Variants in FRMD4A observed in about 807,000 individuals in gnomAD.
The protein encoded by FRMD4A is FERM domain containing 4A.
A neutral mutation model predicts 129.1 loss-of-function variants in FRMD4A; 29 were observed. That is an observed-to-expected ratio of 0.22 (90% CI 0.17 to 0.31). The LOEUF (loss-of-function observed/expected upper bound fraction) is 0.31. Ranked by LOEUF, FRMD4A falls within the 10% of genes least tolerant of loss-of-function variation. The probability of loss-of-function intolerance (pLI) is 1.00; values close to 1 mark genes in which losing one functional copy is unlikely to be tolerated. For missense variants in FRMD4A, 1,272 were observed against 1,375.8 expected (o/e 0.92, Z 1.19); for synonymous variants, 634 against 571.6 (o/e 1.11, Z -1.56).
intron 12 of FRMD4A, among the ~76,000 whole-genome samples, chr10:13,712,611 G>C (rs1589496844): frequency 6.6e-6 from 1 of 152,202 alleles, no homozygotes; most frequent in African/African-American, 2.4e-5. Flanking sequence ...TGGCTTCCTT[G>C]AGACTATGTC....
chr10:13,707,656 A>T, intron 12 of FRMD4A: 1 of 986,810 alleles, frequency 1.0e-6, no homozygotes, highest in Non-Finnish European at 1.2e-6. Flanking sequence ...CTAATGTGTA[A>T]GAGCCTTGCA....
intron 2 of FRMD4A, among the ~76,000 whole-genome samples, chr10:14,185,500 C>CT (rs1564371171): frequency 3.3e-5 from 5 of 152,112 alleles, no homozygotes; most frequent in Admixed American, 6.5e-5. Context: ...TTTCTAACTT[C>CT]AAGTATTTTT....
intron 16 of FRMD4A, 135 bp downstream of exon 16, chr10:13,674,776 T>A: frequency 1.0e-6 from 1 of 982,136 alleles, no homozygotes; most frequent in Non-Finnish European, 1.5e-6. Context: ...CCTCTTTTTA[T>A]CACTACCCTT....
chr10:13,909,467 T>C (rs781594594), intron 2 of FRMD4A, among the ~76,000 whole-genome samples: 5 of 152,238 alleles, frequency 3.3e-5, no homozygotes, highest in Non-Finnish European at 5.9e-5. Context: ...GCAATTGCAA[T>C]AATTTTGATT....
Position 14,191,801 on chromosome 10 carries a change from T to TCTC in FRMD4A, c.45+138256_45+138257insGAG, listed in dbSNP as rs200600338. On this transcript the variant is annotated intron_variant, in intron 2 of 24. Coordinates refer to ENST00000357447, the MANE Select transcript of FRMD4A (RefSeq NM_018027.5). ...TTTTCAGCTCAACTGGCTGTTTTTT[T>TCTC]TTTTTCTCTCTCTCTCTCTCTCTCC... 3.5e-5 allele frequency among the ~76,000 whole-genome samples: 4 copies of TCTC among 113,292 alleles called. 1 individual carries two copies. Among genetic ancestry groups the TCTC allele is most frequent in the South Asian group, 7.6e-4 (2 of 2,628 alleles). The allele number at this position is 113,292 out of a possible 152,430, so 74.3% of individuals were successfully genotyped here.
intron 2 of FRMD4A, chr10:14,327,126 C>T: frequency 7.6e-6 from 3 of 396,756 alleles, no homozygotes; most frequent in Non-Finnish European, 8.9e-6. Flanking sequence ...TTGAAAAGGC[C>T]TCTGAGACAC....
chr10:13,831,631 C>A (rs1252997721), intron 3 of FRMD4A, among the ~76,000 whole-genome samples: 1 of 152,140 alleles, frequency 6.6e-6, no homozygotes, highest in Non-Finnish European at 1.5e-5. Flanking sequence ...TTTCTGGACA[C>A]CATGGAGTTA....
At chr10:13,823,644 T>C (rs762960297) in intron 3 of FRMD4A, among the ~76,000 whole-genome samples, 1 of 152,212 alleles carries the variant, frequency 6.6e-6, no homozygotes, top group Non-Finnish European at 1.5e-5. Flanking sequence ...TGACCCCATC[T>C]TGTCCTGCAG....
At position 13,841,093 on chromosome 10, in the gene FRMD4A, G is replaced by C. The variant is rs140485253; in HGVS notation, c.111+17754C>G. 2.1e-4 allele frequency among the ~76,000 whole-genome samples: 32 copies of C among 152,268 alleles called. No homozygotes were observed. In the East Asian group the frequency reaches 5.8e-3, roughly 28 times the overall value. On this transcript the variant is annotated intron_variant, in intron 3 of 24. Coordinates refer to ENST00000357447, the MANE Select transcript of FRMD4A (RefSeq NM_018027.5). Reference sequence around the variant, plus strand: ...ATTGCACTCCAGCCTGGGTGACAGAGTGAGACCCCCATCTAAATAAGTAAG... The same window carrying C: ...ATTGCACTCCAGCCTGGGTGACAGACTGAGACCCCCATCTAAATAAGTAAG...
chr10:13,776,228 A>C (rs970704235), intron 6 of FRMD4A, among the ~76,000 whole-genome samples: 10 of 152,042 alleles, frequency 6.6e-5, no homozygotes, highest in Admixed American at 5.2e-4. Context: ...CTCCCACCTC[A>C]GCCTCCAGAG....
At chr10:14,146,534 C>T (rs930140576) in intron 2 of FRMD4A, among the ~76,000 whole-genome samples, 3 of 152,288 alleles carry the variant, frequency 2.0e-5, no homozygotes, top group Admixed American at 1.3e-4. Flanking sequence ...TTATCGATAA[C>T]CAACACGTGA....
At chr10:13,818,834 T>G (rs1394670475) in intron 3 of FRMD4A, among the ~76,000 whole-genome samples, 4 of 152,178 alleles carry the variant, frequency 2.6e-5, no homozygotes, top group African/African-American at 9.7e-5. Flanking sequence ...ATTTAAAAAA[T>G]TCCATGTATG....
At chr10:13,679,448 A>T (rs1375410305) in intron 15 of FRMD4A, among the ~76,000 whole-genome samples, 7 of 46,890 alleles carry the variant, frequency 1.5e-4, no homozygotes, top group African/African-American at 5.3e-4. Flanking sequence ...AAAAAAAAAA[A>T]AAAAAAAAAA....
At chr10:13,680,251 G>A (rs928018458) in intron 15 of FRMD4A, among the ~76,000 whole-genome samples, 2 of 151,650 alleles carry the variant, frequency 1.3e-5, no homozygotes, top group African/African-American at 2.4e-5. Context: ...GAAGCCAGGA[G>A]TATGAGACCA....
intron 2 of FRMD4A, among the ~76,000 whole-genome samples, chr10:14,177,695 A>T (rs1841780797): frequency 6.6e-6 from 1 of 151,760 alleles, no homozygotes; most frequent in South Asian, 2.1e-4. Context: ...TTTCTGAAAA[A>T]CTCCAACCAT....
At chr10:14,328,056 C>A (rs899881731) in intron 2 of FRMD4A, among the ~76,000 whole-genome samples, 2 of 152,130 alleles carry the variant, frequency 1.3e-5, no homozygotes, top group South Asian at 2.1e-4. Flanking sequence ...AAAAAAATAG[C>A]ACCAAAGTCC....
At chr10:14,194,059 C>T (rs1211717491) in intron 2 of FRMD4A, among the ~76,000 whole-genome samples, 2 of 152,222 alleles carry the variant, frequency 1.3e-5, no homozygotes, top group African/African-American at 2.4e-5. Flanking sequence ...GGCAAAAGCA[C>T]AAACCTGCAA....
At chr10:13,716,499 C>A (rs922312789) in intron 12 of FRMD4A, among the ~76,000 whole-genome samples, 2 of 152,196 alleles carry the variant, frequency 1.3e-5, no homozygotes, top group Non-Finnish European at 2.9e-5. Flanking sequence ...ACACACCCAG[C>A]ACAGGAGACA....
At chr10:14,279,614 A>G (rs1037730186) in intron 2 of FRMD4A, among the ~76,000 whole-genome samples, 1 of 152,226 alleles carries the variant, frequency 6.6e-6, no homozygotes, top group Non-Finnish European at 1.5e-5. Flanking sequence ...AATCAGATCA[A>G]ATTACCTTAA....
Sources: allele counts gnomAD v4.1 joint callset (sites outside exome capture counted in the v4.1 genomes callset), GRCh38; gene constraint gnomAD v4.1.1; transcripts MANE v1.5; gene names NCBI Gene and HGNC (gene_info 2026-07-23, HGNC 2026-07-21).